The following LATS1 variants were observed in gnomAD, a reference collection of about 807,000 sequenced individuals.
LATS1 encodes serine/threonine-protein kinase LATS1.
Under a neutral mutation model 106.6 loss-of-function variants are expected in LATS1, and 25 were observed. The observed-to-expected ratio is 0.23, with a 90% CI of 0.17 to 0.33. The LOEUF (loss-of-function observed/expected upper bound fraction) is 0.33. Among genes scored for constraint, LATS1 ranks in the 10% least tolerant of loss-of-function variants. The pLI is 1.00. For synonymous variants in LATS1, 465 were observed against 455.6 expected, an observed-to-expected ratio of 1.02 and a Z score of -0.26; for missense variants, 1,040 against 1,382.6, an observed-to-expected ratio of 0.75 and a Z score of 3.93.
chr6:149,696,560 A>T (rs554115728), intron 2 of LATS1, among the ~76,000 whole-genome samples: 1,716 of 50,514 alleles, frequency 0.034, 52 homozygotes, highest in African/African-American at 0.15. Context: ...ACTCCGTCTT[A>T]AAAAAAAAAA....
chr6:149,670,285 A>G (rs1306667144), intron 7 of LATS1, among the ~76,000 whole-genome samples: 1 of 151,890 alleles, frequency 6.6e-6, no homozygotes, highest in Non-Finnish European at 1.5e-5. Context: ...AAGAGATAAT[A>G]GTAAAAACCA....
At chr6:149,694,732 C>T (rs1782962793) in intron 3 of LATS1, among the ~76,000 whole-genome samples, 1 of 151,888 alleles carries the variant, frequency 6.6e-6, no homozygotes, top group African/African-American at 2.4e-5. Context: ...CTATGTTGAT[C>T]ATATTTTACT....
intron 3 of LATS1, among the ~76,000 whole-genome samples, chr6:149,692,130 A>G (rs1372629647): frequency 6.6e-6 from 1 of 152,152 alleles, no homozygotes; most frequent in Non-Finnish European, 1.5e-5. Context: ...ATACAAATCT[A>G]ATAATGTTAT....
intron 3 of LATS1, among the ~76,000 whole-genome samples, chr6:149,686,487 A>ATCCACTCGGC (rs1264372179): frequency 6.6e-6 from 1 of 152,024 alleles, no homozygotes; most frequent in African/African-American, 2.4e-5. Context: ...TGCCCTCCGG[A>ATCCACTCGGC]TCCACTCGGC....
intron 3 of LATS1, among the ~76,000 whole-genome samples, chr6:149,692,420 TA>T (rs576816388): frequency 6.7e-5 from 10 of 149,952 alleles, no homozygotes; most frequent in African/African-American, 1.2e-4. Flanking sequence ...TTGATGCGGT[TA>T]AAAAAAAAAT....
chr6:149,707,705 A>G (rs1406684699), intron 1 of LATS1, among the ~76,000 whole-genome samples: 1 of 152,216 alleles, frequency 6.6e-6, no homozygotes, highest in Non-Finnish European at 1.5e-5. Flanking sequence ...TATCATCTAC[A>G]TGTTGAAAAT....
At chr6:149,716,726 C>A (rs1333829601) in intron 1 of LATS1, among the ~76,000 whole-genome samples, 1 of 152,212 alleles carries the variant, frequency 6.6e-6, no homozygotes. Flanking sequence ...GGACCATGAT[C>A]TAGTTTCTTG....
chr6:149,685,974 A>G (rs1782355056), intron 3 of LATS1, among the ~76,000 whole-genome samples: 1 of 152,218 alleles, frequency 6.6e-6, no homozygotes, highest in Admixed American at 6.5e-5. Context: ...AGAAAAAAAC[A>G]AAAGACCATT....
chr6:149,672,304 G>A (rs1228166242), intron 7 of LATS1, among the ~76,000 whole-genome samples: 4 of 151,666 alleles, frequency 2.6e-5, no homozygotes, highest in Admixed American at 2.0e-4. Flanking sequence ...TTACCTCCCA[G>A]GTTCAAGTGA....
At chr6:149,685,542 C>G (rs1057393866) in intron 3 of LATS1, among the ~76,000 whole-genome samples, 1 of 152,062 alleles carries the variant, frequency 6.6e-6, no homozygotes, top group African/African-American at 2.4e-5. Flanking sequence ...CACGCCACCA[C>G]GCCCAGCTAA....
At chr6:149,681,985 G>A (rs1782057361) in intron 4 of LATS1, among the ~76,000 whole-genome samples, 1 of 151,974 alleles carries the variant, frequency 6.6e-6, no homozygotes, top group African/African-American at 2.4e-5. Flanking sequence ...GCTGACGGGC[G>A]CTTGTAGTCC....
At position 149,680,398 on chromosome 6, in the gene LATS1, A is replaced by G; in HGVS notation, c.2070T>C (p.Ser690=). The G allele has an allele frequency of 6.2e-7, 1 of 1,613,682 alleles. No individual in the cohort carries two copies. ...TAGCCCTTTTAAGACGGATGTAATT[A>G]GATTCTTTTTGGCAAAGCATCTTTC... ...QMRKMLCQKE[S]NYIRLKRAKM... is the part of the protein sequence containing the mutation. Residue 690 remains serine (S), a synonymous_variant, in exon 5 of 8, where the codon TCT becomes TCC. Coordinates refer to ENST00000543571, the MANE Select transcript of LATS1 (RefSeq NM_004690.4).
chr6:149,676,441 T>C, intron 6 of LATS1, 75 bp from the exon 7 acceptor site: 1 of 1,360,154 alleles, frequency 7.4e-7, no homozygotes, highest in Non-Finnish European at 1.0e-6. Context: ...AAATCACCAA[T>C]TTATACTTTA....
rs999019584 is a variant in LATS1 at position 149,659,325 on chromosome 6, G to T, written c.*2404C>A. The T allele has an allele frequency of 4.2e-5, 8 of 192,284 alleles. 1 individual carries two copies. The highest frequency in any genetic ancestry group is 1.9e-4 in the African/African-American group (8 of 42,984). 11.9% of individuals were successfully genotyped at this position (192,284 alleles called of 1,614,324 possible). ...TCTACTAAAGATACAAAAATTAGCTGGGCTTGGTGGCGCATGCCCAGCTAC... is the reference window on the plus strand; with the variant it reads ...TCTACTAAAGATACAAAAATTAGCTTGGCTTGGTGGCGCATGCCCAGCTAC... On this transcript the variant is annotated 3_prime_UTR_variant, in exon 8 of 8. Coordinates refer to ENST00000543571, the MANE Select transcript of LATS1 (RefSeq NM_004690.4).
intron 1 of LATS1, among the ~76,000 whole-genome samples, chr6:149,713,055 C>T (rs1320669389): frequency 1.3e-5 from 2 of 152,136 alleles, no homozygotes; most frequent in Non-Finnish European, 2.9e-5. Flanking sequence ...GGGCCCCCAA[C>T]TTCTATGAGC....
rs1170620591 is a variant in LATS1, at chr6:149,676,676, A to G, written c.2655T>C (p.Cys885=). 6.2e-7 allele frequency: 1 copy of G among 1,614,126 alleles called. No individual in the cohort carries two copies. Residue 885 remains cysteine (C), a synonymous_variant, in exon 6 of 8, where the codon TGT becomes TGC. Transcript: ENST00000543571. ...FSNEWGDPSS[C]RCGDRLKPLE... ...ATGGCTTCAGTCTGTCTCCACATCG[A>G]CAGCTTGAGGGATCCCCCCATTCAT...
At chr6:149,711,888 G>A (rs143720169) in intron 1 of LATS1, among the ~76,000 whole-genome samples, 59 of 152,238 alleles carry the variant, frequency 3.9e-4, no homozygotes, top group African/African-American at 1.3e-3. Flanking sequence ...TAGGAAGAGC[G>A]CTTACTGTGG....
At chr6:149,664,294 A>G (rs1350194729) in intron 7 of LATS1, among the ~76,000 whole-genome samples, 3 of 151,952 alleles carry the variant, frequency 2.0e-5, no homozygotes, top group African/African-American at 7.3e-5. Flanking sequence ...AATGGAGGAC[A>G]GTATCAAAGG....
At chr6:149,711,158 C>T (rs1022664466) in intron 1 of LATS1, among the ~76,000 whole-genome samples, 9 of 151,822 alleles carry the variant, frequency 5.9e-5, no homozygotes, top group Admixed American at 5.3e-4. Flanking sequence ...ATGTGAACTT[C>T]GACTGTGGTT....
Sources: gnomAD v4.1 joint callset for allele counts (sites outside exome capture counted in the v4.1 genomes callset) on GRCh38, gnomAD v4.1.1 for gene constraint, MANE v1.5 for transcripts, NCBI Gene and HGNC (gene_info 2026-07-23, HGNC 2026-07-21) for gene names.